Variants in MAGI1 observed in about 807,000 individuals in gnomAD.
MAGI1 encodes the protein membrane-associated guanylate kinase, WW and PDZ domain-containing protein 1.
A neutral mutation model predicts 139.9 loss-of-function variants in MAGI1; 58 were observed. The observed-to-expected ratio is 0.41, with a 90% CI of 0.34 to 0.52. The LOEUF (loss-of-function observed/expected upper bound fraction) is 0.52. MAGI1 is among the 20% of genes least tolerant of loss of function. The pLI is 0.12. For synonymous variants in MAGI1, 812 were observed against 737.9 expected, an observed-to-expected ratio of 1.10 and a Z score of -1.63; for missense variants, 1,874 against 1,901.6, an observed-to-expected ratio of 0.99 and a Z score of 0.27.
chr3:65,438,398 T>C (rs1443405149), intron 9 of MAGI1, among the ~76,000 whole-genome samples: 4 of 152,138 alleles, frequency 2.6e-5, no homozygotes, highest in African/African-American at 9.7e-5. Flanking sequence ...GGATGAAGGA[T>C]GATAAATTAC....
intron 18 of MAGI1, among the ~76,000 whole-genome samples, chr3:65,370,151 G>A (rs1941843768): frequency 6.6e-6 from 1 of 152,026 alleles, no homozygotes; most frequent in Non-Finnish European, 1.5e-5. Context: ...CCAAAATGCT[G>A]TTTCTCAGAC....
chr3:65,865,172 C>G (rs1285482326), intron 1 of MAGI1, among the ~76,000 whole-genome samples: 1 of 152,096 alleles, frequency 6.6e-6, no homozygotes, highest in African/African-American at 2.4e-5. Flanking sequence ...AGAAGGAAAC[C>G]AAGTCAGCAT....
At chr3:65,636,463 G>T (rs2084624263) in intron 1 of MAGI1, among the ~76,000 whole-genome samples, 1 of 152,052 alleles carries the variant, frequency 6.6e-6, no homozygotes, top group South Asian at 2.1e-4. Flanking sequence ...TAAATAATGG[G>T]GCTATAAAAG....
chr3:65,856,830 T>C (rs2059391840), intron 1 of MAGI1, among the ~76,000 whole-genome samples: 1 of 152,170 alleles, frequency 6.6e-6, no homozygotes, highest in African/African-American at 2.4e-5. Context: ...TAACAGGACC[T>C]TGCCTCTCCA....
intron 3 of MAGI1, among the ~76,000 whole-genome samples, chr3:65,492,084 C>T (rs1487525631): frequency 6.6e-6 from 1 of 152,142 alleles, no homozygotes; most frequent in East Asian, 1.9e-4. Flanking sequence ...TTTGTATTTA[C>T]CCTTTATGTT....
At chr3:65,363,648 A>C in intron 20 of MAGI1, 40 bp from the exon 21 acceptor site, 1 of 1,582,962 alleles carries the variant, frequency 6.3e-7, no homozygotes, top group Non-Finnish European at 8.6e-7. Context: ...TAGGAGAACT[A>C]ATATCCATAG....
At chr3:66,015,180 A>C (rs1269758718) in intron 1 of MAGI1, among the ~76,000 whole-genome samples, 1 of 7,254 alleles carries the variant, frequency 1.4e-4, no homozygotes, top group Admixed American at 1.9e-3. Flanking sequence ...CTGTCTCTAC[A>C]AAAAAAAAAA....
intron 2 of MAGI1, among the ~76,000 whole-genome samples, chr3:65,535,609 A>G (rs2078926614): frequency 6.6e-6 from 1 of 152,218 alleles, no homozygotes; most frequent in Non-Finnish European, 1.5e-5. Flanking sequence ...AGCAATCCAA[A>G]TGTTCAGTTT....
At chr3:65,424,439 G>A (rs1345411330) in intron 12 of MAGI1, among the ~76,000 whole-genome samples, 2 of 152,104 alleles carry the variant, frequency 1.3e-5, no homozygotes. Flanking sequence ...TGCTCTCTAG[G>A]AATTTTAACA....
intron 1 of MAGI1, among the ~76,000 whole-genome samples, chr3:65,984,305 A>G (rs761188441): frequency 6.6e-6 from 1 of 152,026 alleles, no homozygotes; most frequent in Non-Finnish European, 1.5e-5. Context: ...AAACTATATA[A>G]ATAGTGTGTT....
At position 65,377,431 on chromosome 3, in the gene MAGI1, G is replaced by C. The variant is rs118143805; in HGVS notation, c.2996-1486C>G. On this transcript the variant is annotated intron_variant, in intron 17 of 22. Coordinates refer to ENST00000402939, the MANE Select transcript of MAGI1 (RefSeq NM_001033057.2). ...GTATTAGGGAAAGTTTAATTTGTTC[G>C]TTGTAAGAGCCAAAGGAAAACAATC... Among the ~76,000 whole-genome samples the C allele has an allele frequency of 3.9e-5, 6 of 152,304 alleles. No homozygotes were observed. In the East Asian group the frequency reaches 1.2e-3, roughly 29 times the overall value.
chr3:65,857,964 G>C (rs969670162), intron 1 of MAGI1, among the ~76,000 whole-genome samples: 2 of 152,082 alleles, frequency 1.3e-5, no homozygotes, highest in Non-Finnish European at 2.9e-5. Context: ...ATTCATTCTA[G>C]CCTGGTATGG....
At chr3:65,412,865 T>G (rs762129302) in intron 12 of MAGI1, among the ~76,000 whole-genome samples, 10 of 152,172 alleles carry the variant, frequency 6.6e-5, no homozygotes, top group Non-Finnish European at 1.5e-4. Flanking sequence ...CAGATGAGCT[T>G]TGGTCTCAGA....
At chr3:65,378,118 A>G (rs1292264186) in intron 17 of MAGI1, among the ~76,000 whole-genome samples, 2 of 152,190 alleles carry the variant, frequency 1.3e-5, no homozygotes, top group Non-Finnish European at 2.9e-5. Context: ...TTTTTACCCA[A>G]TCAGGAAGGT....
At chr3:65,692,227 C>CA (rs139898270) in intron 1 of MAGI1, among the ~76,000 whole-genome samples, 3 of 152,258 alleles carry the variant, frequency 2.0e-5, no homozygotes, top group East Asian at 3.9e-4. Context: ...ACATGCGATA[C>CA]AAAATCCATG....
chr3:65,876,348 C>A (rs948361787), intron 1 of MAGI1, among the ~76,000 whole-genome samples: 9 of 150,776 alleles, frequency 6.0e-5, no homozygotes, highest in African/African-American at 2.2e-4. Context: ...CCACTCACCA[C>A]CCCCCCCAAA....
At chr3:65,549,401 C>A (rs1339591738) in intron 2 of MAGI1, 5 of 985,158 alleles carry the variant, frequency 5.1e-6, no homozygotes, top group Non-Finnish European at 6.0e-6. Context: ...AAGGACAAAA[C>A]CGTTACCTGC....
intron 12 of MAGI1, among the ~76,000 whole-genome samples, chr3:65,413,912 T>C (rs954752510): frequency 1.3e-5 from 2 of 152,206 alleles, no homozygotes; most frequent in Non-Finnish European, 2.9e-5. Context: ...GGGAACAAGA[T>C]GTGTAACAAA....
intron 1 of MAGI1, among the ~76,000 whole-genome samples, chr3:65,856,142 A>G (rs887467930): frequency 2.6e-5 from 4 of 152,136 alleles, no homozygotes; most frequent in African/African-American, 7.2e-5. Flanking sequence ...AATTTTAACT[A>G]ACTTATATTT....
Sources: gnomAD v4.1 joint callset for allele counts (sites outside exome capture counted in the v4.1 genomes callset) on GRCh38, gnomAD v4.1.1 for gene constraint, MANE v1.5 for transcripts, NCBI Gene and HGNC (gene_info 2026-07-23, HGNC 2026-07-21) for gene names.